Variants in PLCL2 observed in about 807,000 individuals in gnomAD.
PLCL2 encodes the protein inactive phospholipase C-like protein 2.
A neutral mutation model predicts 79.6 loss-of-function variants in PLCL2; 4 were observed. That is an observed-to-expected ratio of 0.05 (90% CI 0.02 to 0.11). The LOEUF (loss-of-function observed/expected upper bound fraction) is 0.11. Among genes scored for constraint, PLCL2 ranks in the 10% least tolerant of loss-of-function variants. The pLI is 1.00. For synonymous variants in PLCL2, 484 were observed against 457.7 expected, an observed-to-expected ratio of 1.06 and a Z score of -0.73; for missense variants, 895 against 1,291.0, an observed-to-expected ratio of 0.69 and a Z score of 4.70.
intron 5 of PLCL2, among the ~76,000 whole-genome samples, chr3:17,079,478 C>G (rs1374435456): frequency 1.3e-5 from 2 of 152,204 alleles, no homozygotes; most frequent in African/African-American, 4.8e-5. Flanking sequence ...CAGTCAGAAC[C>G]TAGAAAGCTT....
chr3:17,017,108 A>T (rs2064393632), intron 3 of PLCL2, among the ~76,000 whole-genome samples: 1 of 152,212 alleles, frequency 6.6e-6, no homozygotes, highest in Non-Finnish European at 1.5e-5. Flanking sequence ...TATTCGGCTC[A>T]GGAATGGCTC....
At chr3:17,018,526 A>T (rs557452000) in intron 3 of PLCL2, among the ~76,000 whole-genome samples, 1 of 151,912 alleles carries the variant, frequency 6.6e-6, no homozygotes, top group East Asian at 1.9e-4. Context: ...CTTTTTTCAT[A>T]CCTATCTACT....
rs139612630 is a variant in PLCL2, at chr3:16,910,723, A to G, written c.327+25357A>G. Reference sequence around the variant, plus strand: ...CTACTAGATTTTTCCACTATATCCTACTAGATCTTTCACTTTTCATATCTG... The same window carrying G: ...CTACTAGATTTTTCCACTATATCCTGCTAGATCTTTCACTTTTCATATCTG... On this transcript the variant is annotated intron_variant, in intron 1 of 5. Coordinates refer to ENST00000615277, the MANE Select transcript of PLCL2 (RefSeq NM_001144382.2). 8.2e-3 allele frequency among the ~76,000 whole-genome samples: 1,243 copies of G among 151,798 alleles called. 15 individuals carry two copies. Among genetic ancestry groups the G allele is most frequent in the Non-Finnish European group, 0.012 (834 of 67,950 alleles).
chr3:16,894,282 G>A (rs1575514045), intron 1 of PLCL2, among the ~76,000 whole-genome samples: 1 of 152,064 alleles, frequency 6.6e-6, no homozygotes, highest in Admixed American at 6.5e-5. Context: ...TTATTCAGAT[G>A]TTTTCATATT....
chr3:17,056,059 G>A (rs969921893), intron 4 of PLCL2, among the ~76,000 whole-genome samples: 51 of 151,998 alleles, frequency 3.4e-4, no homozygotes, highest in African/African-American at 1.1e-3. Flanking sequence ...TCCTTCCTTC[G>A]TAAACCCATG....
At chr3:17,032,121 T>C (rs78227927) in intron 3 of PLCL2, among the ~76,000 whole-genome samples, 1,544 of 152,212 alleles carry the variant, frequency 0.01, 30 homozygotes, top group African/African-American at 0.035. Context: ...AAATTTTAAA[T>C]ATTTTCCAAA....
Position 17,047,317 on chromosome 3 carries a change from G to A in PLCL2, c.3094+4368G>A, listed in dbSNP as rs549667061. Among the ~76,000 whole-genome samples the A allele has an allele frequency of 2.6e-5, 4 of 152,314 alleles. No homozygotes were observed. The East Asian group carries it at 7.7e-4, about 29-fold the overall frequency. On this transcript the variant is annotated intron_variant, in intron 4 of 5. Transcript: ENST00000615277. ...AAAGAGCCCGCATAGGACACCTGCT[G>A]GCTTCCCTGCTTTCATGGGCATGCC...
At chr3:17,086,488 A>G (rs1300081215) in intron 5 of PLCL2, among the ~76,000 whole-genome samples, 1 of 152,264 alleles carries the variant, frequency 6.6e-6, no homozygotes, top group African/African-American at 2.4e-5. Flanking sequence ...TTCCTAGAAG[A>G]TAACACAGGA....
chr3:17,066,750 G>T (rs574666504), intron 4 of PLCL2, among the ~76,000 whole-genome samples: 102 of 152,288 alleles, frequency 6.7e-4, no homozygotes, highest in African/African-American at 2.3e-3. Context: ...ACTCCACTAT[G>T]CAATTGTGTG....
At chr3:16,977,289 C>T (rs1248588420) in intron 1 of PLCL2, among the ~76,000 whole-genome samples, 2 of 152,124 alleles carry the variant, frequency 1.3e-5, no homozygotes, top group Non-Finnish European at 2.9e-5. Context: ...TACTTACTCC[C>T]TGGCTGGCAT....
intron 4 of PLCL2, among the ~76,000 whole-genome samples, chr3:17,043,226 T>C (rs2064744817): frequency 6.6e-6 from 1 of 152,132 alleles, no homozygotes; most frequent in Non-Finnish European, 1.5e-5. Flanking sequence ...CAGCCAAAAT[T>C]GAGAAACTCT....
At chr3:16,950,406 T>C (rs533982551) in intron 1 of PLCL2, among the ~76,000 whole-genome samples, 1 of 152,284 alleles carries the variant, frequency 6.6e-6, no homozygotes, top group South Asian at 2.1e-4. Context: ...ATTGGTGTAT[T>C]TAAGAGCTAA....
intron 1 of PLCL2, among the ~76,000 whole-genome samples, chr3:16,898,953 C>A (rs1040513270): frequency 6.6e-6 from 1 of 152,212 alleles, no homozygotes; most frequent in Non-Finnish European, 1.5e-5. Flanking sequence ...TTGCGGGGAC[C>A]CACGCCTTGG....
intron 1 of PLCL2, among the ~76,000 whole-genome samples, chr3:16,995,249 C>T (rs1476965435): frequency 2.0e-5 from 3 of 152,216 alleles, no homozygotes; most frequent in Non-Finnish European, 4.4e-5. Context: ...AAAATAAATG[C>T]CTACATGTAT....
intron 1 of PLCL2, among the ~76,000 whole-genome samples, chr3:16,936,484 G>C (rs962467873): frequency 6.6e-6 from 1 of 151,958 alleles, no homozygotes; most frequent in South Asian, 2.1e-4. Flanking sequence ...AAACTCTGTG[G>C]TTTGTCTGTT....
At chr3:16,913,505 A>G (rs918887392) in intron 1 of PLCL2, among the ~76,000 whole-genome samples, 1 of 151,934 alleles carries the variant, frequency 6.6e-6, no homozygotes. Context: ...TAGTAAGCAA[A>G]CGAATTAATA....
At chr3:16,974,725 A>G (rs951848890) in intron 1 of PLCL2, among the ~76,000 whole-genome samples, 1 of 152,142 alleles carries the variant, frequency 6.6e-6, no homozygotes, top group South Asian at 2.1e-4. Context: ...TCTGTTTAGG[A>G]TCATGATTAT....
intron 1 of PLCL2, among the ~76,000 whole-genome samples, chr3:16,968,380 T>G (rs186482957): frequency 6.6e-6 from 1 of 152,176 alleles, no homozygotes; most frequent in Admixed American, 6.6e-5. Flanking sequence ...ATTTGAATGA[T>G]ATTGATTCTT....
At chr3:16,942,060 G>A (rs1013131588) in intron 1 of PLCL2, among the ~76,000 whole-genome samples, 2 of 152,180 alleles carry the variant, frequency 1.3e-5, no homozygotes, top group Admixed American at 6.5e-5. Context: ...CAAAGGTGAG[G>A]AGAAACCGTG....
Sources: allele counts gnomAD v4.1 joint callset (sites outside exome capture counted in the v4.1 genomes callset), GRCh38; gene constraint gnomAD v4.1.1; transcripts MANE v1.5; gene names NCBI Gene and HGNC (gene_info 2026-07-23, HGNC 2026-07-21).